The following MMEL1 variants were observed in gnomAD, a reference collection of about 807,000 sequenced individuals.
The protein encoded by MMEL1 is membrane metallo-endopeptidase-like 1.
MMEL1 carries 98 observed loss-of-function variants against 117.1 expected under a neutral mutation model. The ratio of observed to expected loss-of-function variants is 0.84; its 90% confidence interval spans 0.71 to 0.99. The LOEUF is 0.99. Ranked by LOEUF, MMEL1 falls within the 50% of genes least tolerant of loss-of-function variation. The pLI is 0.00. For synonymous variants in MMEL1, 390 were observed against 415.1 expected, an observed-to-expected ratio of 0.94 and a Z score of 0.74; for missense variants, 1,014 against 1,049.1, an observed-to-expected ratio of 0.97 and a Z score of 0.46.
At chr1:2,598,063 C>T in intron 13 of MMEL1, 144 bp downstream of exon 13, 1 of 713,100 alleles carries the variant, frequency 1.4e-6, no homozygotes, top group Non-Finnish European at 2.4e-6. Flanking sequence ...ATGGTCCACT[C>T]CCCACTGGGG....
Position 2,595,379 on chromosome 1 carries a change from T to G in MMEL1, c.1501-20A>C. On this transcript the variant is annotated intron_variant, in intron 15 of 23. Transcript: ENST00000378412. The surrounding 1 kb of genome is among the most constrained non-coding windows in gnomAD (Gnocchi z 4.8). ...CATGGCCTGAGTGGGGAGGAGGGAC[T>G]GGTCAGTGGGTGCCCCACTGCGGAT... The G allele has an allele frequency of 6.2e-7, 1 of 1,611,044 alleles. No homozygotes were observed. Among genetic ancestry groups the G allele is most frequent in the African/African-American group, 1.3e-5 (1 of 74,966 alleles).
chr1:2,616,342 C>CAAAAAAA (rs60641053), intron 2 of MMEL1, among the ~76,000 whole-genome samples: 3 of 89,224 alleles, frequency 3.4e-5, no homozygotes, highest in African/African-American at 1.3e-4. Flanking sequence ...GACCCTAGCT[C>CAAAAAAA]AAAAAAAAAA....
chr1:2,622,516 G>A (rs892406028), intron 2 of MMEL1, among the ~76,000 whole-genome samples: 9 of 152,294 alleles, frequency 5.9e-5, no homozygotes, highest in African/African-American at 2.2e-4. Context: ...ATGAGGATAG[G>A]GGAAGATCTG....
chr1:2,616,979 A>G (rs1432151982), intron 2 of MMEL1, among the ~76,000 whole-genome samples: 2 of 152,202 alleles, frequency 1.3e-5, no homozygotes, highest in African/African-American at 4.8e-5. Flanking sequence ...TCAAAACTGA[A>G]TTAGATGAGC....
chr1:2,594,638 ACT>A (rs1348182725), intron 17 of MMEL1, 150 bp downstream of exon 17: 2 of 859,248 alleles, frequency 2.3e-6, no homozygotes, highest in Non-Finnish European at 3.7e-6. Context: ...GTGATGGGGG[ACT>A]CTGTCCAAGA....
rs1053208405 is a variant in MMEL1, at chr1:2,591,144, C to G, written c.2241-55G>C. ...CATTGCCATCTTGGACAAACATGGC[C>G]ATTTTAAGTTCTCCGTGATTAAAAA... On this transcript the variant is annotated intron_variant, in intron 23 of 23. Transcript: ENST00000378412. 5 of 1,270,170 alleles carry G rather than the reference C, an allele frequency of 3.9e-6. No homozygotes were observed. In the African/African-American group the frequency reaches 6.0e-5, roughly 15 times the overall value. The allele number at this position is 1,270,170 out of a possible 1,614,324, so 78.7% of individuals were successfully genotyped here. A position where few individuals can be genotyped will look rare whatever the true frequency, so the allele number is the denominator to read the frequency against.
At chr1:2,603,320 C>T (rs1255065590) in intron 11 of MMEL1, among the ~76,000 whole-genome samples, 1 of 152,218 alleles carries the variant, frequency 6.6e-6, no homozygotes, top group Admixed American at 6.5e-5. Context: ...CTCGAGAAGG[C>T]CAGCTGCTCC....
At chr1:2,594,138 G>A (rs969488259) in intron 18 of MMEL1, 18 of 783,142 alleles carry the variant, frequency 2.3e-5, no homozygotes, top group African/African-American at 3.5e-5. Context: ...ACCTCAGTCC[G>A]GCCTCCTCCC....
chr1:2,594,832 T>G lies in MMEL1; in HGVS notation c.1646A>C (p.Gln549Pro). 1 of 1,613,962 alleles carries G rather than the reference T, an allele frequency of 6.2e-7. No homozygotes were observed. Among genetic ancestry groups the G allele is most frequent in the Non-Finnish European group, 8.5e-7 (1 of 1,179,996 alleles). ...NSLQNLKVGA[Q>P]RSLRKLREKV... ...TTCCCGAAGCTTCCTGAGGCTCCGCTGGGCGCCCACCTTGAGGTTCTGCAG... is the reference window on the plus strand; with the variant it reads ...TTCCCGAAGCTTCCTGAGGCTCCGCGGGGCGCCCACCTTGAGGTTCTGCAG... The change falls in exon 17 of 24, where the codon CAG becomes CCG. Residue 549 changes from glutamine (Q) to proline (P), a missense_variant. Physicochemically the swap from Gln to Pro is moderately conservative, Grantham distance 76 (BLOSUM62 -1). Coordinates refer to ENST00000378412, the MANE Select transcript of MMEL1 (RefSeq NM_033467.4).
chr1:2,630,472 ATGTG>A (rs371684204), intron 1 of MMEL1, among the ~76,000 whole-genome samples: 12 of 151,484 alleles, frequency 7.9e-5, no homozygotes, highest in South Asian at 4.2e-4. Context: ...TGGTGTGTGC[ATGTG>A]TGTGTGTGCA....
chr1:2,613,111 G>A (rs1321904565), intron 2 of MMEL1, among the ~76,000 whole-genome samples: 2 of 152,222 alleles, frequency 1.3e-5, no homozygotes, highest in Non-Finnish European at 2.9e-5. Flanking sequence ...ATGACTGTGA[G>A]CCAGGCCAGA....
rs751118925 is a variant in MMEL1, at chr1:2,591,564, T to A, written c.2233A>T (p.Lys745Ter). The part of the protein sequence containing the change: ...SIKTDVHSPL[K>*]YRVLGSLQNL... ...TGAGCATGGGAGACTTGCCTGTACT[T>A]CAGGGGACTGTGGACGTCTGTCTTG... Residue 745 changes from lysine to a stop codon, truncating the protein, a stop_gained, in exon 23 of 24, where the codon AAG becomes TAG. Coordinates refer to ENST00000378412, the MANE Select transcript of MMEL1 (RefSeq NM_033467.4). LOFTEE classifies it high-confidence loss of function. 1.2e-6 allele frequency: 2 copies of A among 1,613,570 alleles called. No individual in the cohort carries two copies. Among genetic ancestry groups the A allele is most frequent in the Non-Finnish European group, 1.7e-6 (2 of 1,179,814 alleles).
chr1:2,626,139 C>T (rs552916740), intron 2 of MMEL1, among the ~76,000 whole-genome samples: 3 of 152,164 alleles, frequency 2.0e-5, no homozygotes, highest in East Asian at 1.9e-4. Context: ...GCCAGATGTG[C>T]GATGCGATTA....
At position 2,590,722 on chromosome 1, in the gene MMEL1, T is replaced by A. The variant is rs1644668276; in HGVS notation, c.*268A>T. ...ACCTTGGAGGGTGGGCAGGACACAG[T>A]TGATTGTCTCTACAGAGCTGTGACG... On this transcript the variant is annotated 3_prime_UTR_variant, in exon 24 of 24. Coordinates refer to ENST00000378412, the MANE Select transcript of MMEL1 (RefSeq NM_033467.4). 5.2e-6 allele frequency: 2 copies of A among 386,252 alleles called. No individual in the cohort carries two copies. Among genetic ancestry groups the A allele is most frequent in the Non-Finnish European group, 9.2e-6 (2 of 218,124 alleles). 23.9% of individuals were successfully genotyped at this position (386,252 alleles called of 1,614,324 possible).
chr1:2,606,959 C>G lies in MMEL1; in HGVS notation c.631+15G>C. On this transcript the variant is annotated intron_variant, in intron 7 of 23. Coordinates refer to ENST00000378412, the MANE Select transcript of MMEL1 (RefSeq NM_033467.4). The stretch of plus-strand genomic sequence containing the variant: ...CTTTGTCTGTCTGTGAGGCTGCTGC[C>G]AGGCCCGGCCTTACCTACGGTCTCG... 1 of 1,609,268 alleles carries G rather than the reference C, an allele frequency of 6.2e-7. No homozygotes were observed. Among genetic ancestry groups the G allele is most frequent in the Non-Finnish European group, 8.5e-7 (1 of 1,178,368 alleles).
chr1:2,594,451 A>G lies in MMEL1; in HGVS notation c.1689-8T>C, dbSNP rs1265816043. On this transcript the variant is annotated splice_region_variant and splice_polypyrimidine_tract_variant and intron_variant, in intron 17 of 23. Transcript: ENST00000378412. ...GCCGCCCCGATGATCCAGCTGTGAT[A>G]GACAAGCCGGTCTCTGGGAGCCGCC... is the stretch of plus-strand genomic sequence containing the variant. 6.4e-7 allele frequency: 1 copy of G among 1,551,120 alleles called. No homozygotes were observed.
chr1:2,593,009 C>A, intron 19 of MMEL1, 43 bp from the exon 20 acceptor site: 2 of 1,604,404 alleles, frequency 1.2e-6, no homozygotes, highest in Non-Finnish European at 8.5e-7. Context: ...CCCCTGGCTG[C>A]ACTGTGCCTG....
intron 9 of MMEL1, among the ~76,000 whole-genome samples, chr1:2,605,170 C>G (rs1223717080): frequency 1.3e-5 from 2 of 152,210 alleles, no homozygotes; most frequent in African/African-American, 2.4e-5. Context: ...GTCCTCATCC[C>G]TCCCCTCTCT....
chr1:2,595,035 C>T lies in MMEL1; in HGVS notation c.1585-142G>A, dbSNP rs979988627. On this transcript the variant is annotated intron_variant, in intron 16 of 23. Coordinates refer to ENST00000378412, the MANE Select transcript of MMEL1 (RefSeq NM_033467.4). This position sits in a 1 kb window ranked among gnomAD's most constrained non-coding sequence, Gnocchi z 4.8. The stretch of plus-strand genomic sequence containing the variant: ...ACAGTCGGCTGTGGGTGCAGGTGAA[C>T]GGGGCAGCCCTGGCTGTGGGCATTT... The T allele has an allele frequency of 4.2e-5, 31 of 736,138 alleles. No homozygotes were observed. The highest frequency in any genetic ancestry group is 7.8e-5 in the East Asian group (3 of 38,696). The allele number at this position is 736,138 out of a possible 1,614,324, so 45.6% of individuals were successfully genotyped here.
Sources: gnomAD v4.1 joint callset for allele counts (sites outside exome capture counted in the v4.1 genomes callset) on GRCh38, gnomAD v4.1.1 for gene constraint, Gnocchi (gnomAD v3.1) non-coding constraint, MANE v1.5 for transcripts, NCBI Gene and HGNC (gene_info 2026-07-23, HGNC 2026-07-21) for gene names.